BTD: variants seen among roughly 807,000 people sequenced by gnomAD.
BTD encodes the protein biocytinase.
Under a neutral mutation model 17.7 loss-of-function variants are expected in BTD, and 13 were observed. That is an observed-to-expected ratio of 0.74 (90% CI 0.48 to 1.17). The LOEUF (loss-of-function observed/expected upper bound fraction) is 1.17. Ranked by LOEUF, BTD falls within the 50% of genes most tolerant of loss-of-function variation. The pLI, the probability that BTD is intolerant of heterozygous loss-of-function variation, is 0.00. For missense variants in BTD, 674 were observed against 650.4 expected (o/e 1.04, Z -0.39); for synonymous variants, 240 against 245.2 (o/e 0.98, Z 0.20).
intron 3 of BTD, among the ~76,000 whole-genome samples, chr3:15,692,417 T>C (rs974401782): frequency 6.6e-6 from 1 of 151,978 alleles, no homozygotes; most frequent in South Asian, 2.1e-4. Flanking sequence ...GCCACTACAC[T>C]CCAGCCTGGA....
intron 3 of BTD, among the ~76,000 whole-genome samples, chr3:15,642,454 CTT>C (rs34597886): frequency 1.0e-4 from 14 of 135,736 alleles, no homozygotes; most frequent in Admixed American, 7.6e-5. Context: ...TTGACATCCT[CTT>C]TTTTTTTTTT....
rs1254076658 is a variant in BTD at position 15,650,885 on chromosome 3, T to A, written c.*5397T>A. ...CCCGAGTTCAAGCGATTCTCCTGCC[T>A]CAGCCTTCCGAGTAGCTGGGACTAC... On this transcript the variant is annotated 3_prime_UTR_variant, in exon 4 of 4. Transcript: ENST00000643237. Among the ~76,000 whole-genome samples, 1 of 152,198 alleles carries A rather than the reference T, an allele frequency of 6.6e-6. No homozygotes were observed. Among genetic ancestry groups the A allele is most frequent in the East Asian group, 1.9e-4 (1 of 5,196 alleles).
Position 15,644,301 on chromosome 3 carries a change from C to T in BTD, c.400-15C>T, listed in dbSNP as rs2065626937. On this transcript the variant is annotated splice_polypyrimidine_tract_variant and intron_variant, in intron 3 of 3. Transcript: ENST00000643237. ...AGGCAAAAACCTCATTTATTTACAC[C>T]TTTTTTTCCTCTAGGTGCTCCAGCG... 6.2e-7 allele frequency: 1 copy of T among 1,610,252 alleles called. No homozygotes were observed.
intron 3 of BTD, among the ~76,000 whole-genome samples, chr3:15,706,335 G>C (rs970929743): frequency 6.6e-6 from 1 of 151,202 alleles, no homozygotes; most frequent in African/African-American, 2.4e-5. Flanking sequence ...GTGAGAACAT[G>C]TGGTGTTTGG....
At chr3:15,643,314 A>C (rs183445566) in intron 3 of BTD, among the ~76,000 whole-genome samples, 1 of 152,276 alleles carries the variant, frequency 6.6e-6, no homozygotes, top group Non-Finnish European at 1.5e-5. Flanking sequence ...CAGCCTGGCC[A>C]ACATGGTGAA....
At chr3:15,615,956 C>T (rs2064777991) in intron 1 of BTD, among the ~76,000 whole-genome samples, 2 of 152,202 alleles carry the variant, frequency 1.3e-5, no homozygotes, top group Admixed American at 1.3e-4. Context: ...TAAGGTTCCT[C>T]CATATCTTTT....
Position 15,644,335 on chromosome 3 carries a change from G to T in BTD, c.419G>T (p.Cys140Phe), listed in dbSNP as rs745343884. The T allele has an allele frequency of 1.9e-6, 3 of 1,613,794 alleles. No homozygotes were observed. The highest frequency in any genetic ancestry group is 2.5e-6 in the Non-Finnish European group (3 of 1,179,968). Reference sequence around the variant, plus strand: ...CTCTAGGTGCTCCAGCGCCTGAGTTGTATGGCCATCAGGGGAGATATGTTC... The same window carrying T: ...CTCTAGGTGCTCCAGCGCCTGAGTTTTATGGCCATCAGGGGAGATATGTTC... ...NDTEVLQRLS[C>F]MAIRGDMFLV... Residue 140 changes from cysteine (C) to phenylalanine (F), a missense_variant, in exon 4 of 4, where the codon TGT (cysteine) becomes TTT (phenylalanine). Cys to Phe is a radical substitution (Grantham distance 205). Coordinates refer to ENST00000643237, the MANE Select transcript of BTD (RefSeq NM_001370658.1).
At chr3:15,631,438 G>A in intron 1 of BTD, 5 of 1,534,068 alleles carry the variant, frequency 3.3e-6, no homozygotes, top group Non-Finnish European at 4.4e-6. Flanking sequence ...AGACACTATT[G>A]TAATAGCATG....
In BTD at chr3:15,604,463, C is replaced by T. The variant is rs187342709; in HGVS notation, c.-17+2569C>T. On this transcript the variant is annotated intron_variant, in intron 1 of 3. Transcript: ENST00000643237. ...CTGACCCATGAAACCATTTTTCCTC[C>T]TAGGTTTCTGGGCCTGTGATGGGAG... 9.8e-5 allele frequency among the ~76,000 whole-genome samples: 15 copies of T among 152,314 alleles called. No individual in the cohort carries two copies. In the East Asian group the frequency reaches 2.9e-3, roughly 29 times the overall value.
At chr3:15,704,248 G>A (rs148800607) in intron 3 of BTD, among the ~76,000 whole-genome samples, 140 of 152,104 alleles carry the variant, frequency 9.2e-4, no homozygotes, top group Middle Eastern at 3.4e-3. Flanking sequence ...TGTCTACCAA[G>A]AACGCAGGCA....
At chr3:15,679,674 T>C (rs1216991742) in intron 3 of BTD, 5 of 772,260 alleles carry the variant, frequency 6.5e-6, no homozygotes, top group Non-Finnish European at 1.1e-5. Flanking sequence ...CCTCATCCCA[T>C]CTCCCAGATC....
chr3:15,702,865 A>G (rs998768597), intron 3 of BTD, among the ~76,000 whole-genome samples: 2 of 151,754 alleles, frequency 1.3e-5, no homozygotes, highest in African/African-American at 4.8e-5. Flanking sequence ...TAAAAAATAC[A>G]ACTAACCTTT....
intron 3 of BTD, chr3:15,676,824 T>G: frequency 1.8e-6 from 1 of 554,534 alleles, no homozygotes. Flanking sequence ...TGTGATCATT[T>G]TAGAAATGAG....
intron 1 of BTD, among the ~76,000 whole-genome samples, chr3:15,614,784 A>G (rs2064746452): frequency 6.6e-6 from 1 of 151,342 alleles, no homozygotes; most frequent in African/African-American, 2.4e-5. Flanking sequence ...TTTTGTAGAG[A>G]TGGGGTTTTG....
intron 1 of BTD, among the ~76,000 whole-genome samples, chr3:15,615,070 T>C (rs1252017554): frequency 2.0e-5 from 3 of 152,244 alleles, no homozygotes; most frequent in Non-Finnish European, 4.4e-5. Flanking sequence ...TTGTGTGTTT[T>C]GTAATTTTGA....
At chr3:15,623,965 A>T (rs989442981) in intron 1 of BTD, among the ~76,000 whole-genome samples, 5 of 152,206 alleles carry the variant, frequency 3.3e-5, no homozygotes, top group African/African-American at 1.2e-4. Context: ...TAGCAGTGTG[A>T]GAATGGACTA....
intron 3 of BTD, among the ~76,000 whole-genome samples, chr3:15,643,172 C>T (rs1050765008): frequency 1.3e-5 from 2 of 152,136 alleles, no homozygotes; most frequent in African/African-American, 4.8e-5. Flanking sequence ...AGTATGAGTG[C>T]CTCTTTTTCC....
At chr3:15,618,599 C>G (rs1020304952) in intron 1 of BTD, among the ~76,000 whole-genome samples, 25 of 152,218 alleles carry the variant, frequency 1.6e-4, no homozygotes, top group Admixed American at 4.6e-4. Context: ...GATCTCGGCT[C>G]ACTGCAAGCT....
At chr3:15,678,012 G>A (rs1219775705) in intron 3 of BTD, among the ~76,000 whole-genome samples, 1 of 152,096 alleles carries the variant, frequency 6.6e-6, no homozygotes, top group Non-Finnish European at 1.5e-5. Context: ...TAAGGCCATG[G>A]TAAAGTAGAC....
Sources: allele counts gnomAD v4.1 joint callset (sites outside exome capture counted in the v4.1 genomes callset), GRCh38; gene constraint gnomAD v4.1.1; transcripts MANE v1.5; gene names NCBI Gene and HGNC (gene_info 2026-07-23, HGNC 2026-07-21).